DEPTOR: variants seen among roughly 807,000 people sequenced by gnomAD.
DEPTOR encodes the protein DEP domain containing MTOR interacting protein.
Under a neutral mutation model 41.6 loss-of-function variants are expected in DEPTOR, and 41 were observed. The ratio of observed to expected loss-of-function variants is 0.98; its 90% CI spans 0.77 to 1.28. The LOEUF is 1.28. DEPTOR is among the 50% of genes most tolerant of loss of function. The pLI, the probability that DEPTOR is intolerant of heterozygous loss-of-function variation, is 0.00. For synonymous variants in DEPTOR, 195 were observed against 192.3 expected (o/e 1.01, Z -0.12); for missense variants, 514 against 527.9 (o/e 0.97, Z 0.26).
At position 120,019,695 on chromosome 8, in the gene DEPTOR, G is replaced by A. The variant is rs368205815; in HGVS notation, c.1101+10562G>A. On this transcript the variant is annotated intron_variant, in intron 8 of 8. Transcript: ENST00000286234. The stretch of plus-strand genomic sequence containing the variant: ...GCCCCTCATGCCGGTCAGCCATGTC[G>A]TCCTTCCCTCCTTCGCCACAGTCTG... Among the ~76,000 whole-genome samples, 18 of 152,334 alleles carry A rather than the reference G, an allele frequency of 1.2e-4. No homozygotes were observed. In the South Asian group the frequency reaches 1.2e-3, roughly 11 times the overall value.
chr8:120,002,978 G>A lies in DEPTOR; in HGVS notation c.792G>A (p.Val264=). 6.4e-7 allele frequency: 1 copy of A among 1,561,966 alleles called. No individual in the cohort carries two copies. The change falls in exon 6 of 9, where the codon GTG becomes GTA. Residue 264 remains valine (V), a splice_region_variant and synonymous_variant. Transcript: ENST00000286234. ...DNRKSTSFMS[V]SPSKEIKIVS... The stretch of plus-strand genomic sequence containing the variant: ...GTGTGTGTTCTCTGGCCTACACAGT[G>A]AGCCCCAGCAAGGAGATCAAGATCG...
At chr8:119,987,822 G>A (rs999923195) in intron 4 of DEPTOR, among the ~76,000 whole-genome samples, 7 of 152,106 alleles carry the variant, frequency 4.6e-5, no homozygotes, top group Non-Finnish European at 5.9e-5. Flanking sequence ...CACTGTGAGG[G>A]GAAAACCACC....
chr8:119,875,960 C>T (rs2131329431), intron 1 of DEPTOR, among the ~76,000 whole-genome samples: 1 of 152,270 alleles, frequency 6.6e-6, no homozygotes. Flanking sequence ...AGGCTTCAGT[C>T]CCTTTAAAGC....
chr8:119,876,330 C>G (rs868405098), intron 1 of DEPTOR, among the ~76,000 whole-genome samples: 8 of 152,172 alleles, frequency 5.3e-5, no homozygotes, highest in South Asian at 2.1e-4. Flanking sequence ...TAGACTGAAT[C>G]TTGGCTTTGC....
chr8:119,909,340 A>G (rs888119929), intron 1 of DEPTOR, among the ~76,000 whole-genome samples: 1 of 152,226 alleles, frequency 6.6e-6, no homozygotes, highest in Admixed American at 6.5e-5. Context: ...TTAGTTACCT[A>G]GCTATCTTTA....
intron 1 of DEPTOR, among the ~76,000 whole-genome samples, chr8:119,884,227 T>C (rs1827335221): frequency 6.6e-6 from 1 of 152,070 alleles, no homozygotes; most frequent in Non-Finnish European, 1.5e-5. Flanking sequence ...CTCACTAATT[T>C]CTGTATTTTC....
intron 3 of DEPTOR, among the ~76,000 whole-genome samples, chr8:119,942,287 C>T (rs1828213737): frequency 1.3e-5 from 2 of 152,338 alleles, no homozygotes; most frequent in African/African-American, 4.8e-5. Flanking sequence ...ACTGCAATCT[C>T]CACCTCCTGG....
chr8:120,025,613 G>A (rs1399904725), intron 8 of DEPTOR, among the ~76,000 whole-genome samples: 2 of 152,130 alleles, frequency 1.3e-5, no homozygotes, highest in Admixed American at 1.3e-4. Flanking sequence ...CCCAGTTACT[G>A]GGGCCAGAAA....
intron 6 of DEPTOR, 70 bp downstream of exon 6, chr8:120,003,181 C>T: frequency 6.3e-7 from 1 of 1,577,358 alleles, no homozygotes; most frequent in East Asian, 2.3e-5. Context: ...GAAGCAGAAT[C>T]TGAGATAGCG....
intron 4 of DEPTOR, among the ~76,000 whole-genome samples, chr8:119,983,215 AC>A (rs1277281513): frequency 6.6e-6 from 1 of 151,938 alleles, no homozygotes; most frequent in African/African-American, 2.4e-5. Context: ...AGCTATCTGT[AC>A]TATCTTTGCA....
chr8:119,895,514 T>C (rs1396070421), intron 1 of DEPTOR, among the ~76,000 whole-genome samples: 1 of 152,194 alleles, frequency 6.6e-6, no homozygotes, highest in Non-Finnish European at 1.5e-5. Context: ...CCTCAGGGGG[T>C]ACCCTATCCC....
At chr8:120,032,512 C>CA (rs1427552734) in intron 8 of DEPTOR, among the ~76,000 whole-genome samples, 1 of 152,066 alleles carries the variant, frequency 6.6e-6, no homozygotes, top group African/African-American at 2.4e-5. Context: ...TGAGTTACCA[C>CA]ACCCAGCCAA....
intron 1 of DEPTOR, among the ~76,000 whole-genome samples, chr8:119,917,261 C>T (rs1827825864): frequency 6.6e-6 from 1 of 152,194 alleles, no homozygotes; most frequent in Admixed American, 6.5e-5. Context: ...TCTCACTCTG[C>T]TAATACTCCA....
chr8:119,986,579 G>T (rs1828833326), intron 4 of DEPTOR, among the ~76,000 whole-genome samples: 1 of 152,030 alleles, frequency 6.6e-6, no homozygotes, highest in African/African-American at 2.4e-5. Flanking sequence ...GGCCTGTCTT[G>T]GTAGGTTGGG....
intron 1 of DEPTOR, among the ~76,000 whole-genome samples, chr8:119,892,932 G>A (rs1161857969): frequency 1.3e-5 from 2 of 152,046 alleles, no homozygotes; most frequent in African/African-American, 2.4e-5. Context: ...ACAGACACAC[G>A]CCACCATGCC....
chr8:120,019,418 C>T (rs759844918), intron 8 of DEPTOR, among the ~76,000 whole-genome samples: 9 of 152,238 alleles, frequency 5.9e-5, no homozygotes, highest in Non-Finnish European at 1.2e-4. Flanking sequence ...ACATCTCTCC[C>T]TCCAGAGACC....
intron 3 of DEPTOR, among the ~76,000 whole-genome samples, chr8:119,941,396 A>AT (rs1231554971): frequency 4.6e-5 from 7 of 151,602 alleles, no homozygotes; most frequent in Admixed American, 6.6e-5. Flanking sequence ...AAAAAAAAAA[A>AT]AGGTTAGAAT....
chr8:120,036,858 A>G (rs986459322), intron 8 of DEPTOR, among the ~76,000 whole-genome samples: 1 of 152,220 alleles, frequency 6.6e-6, no homozygotes, highest in Non-Finnish European at 1.5e-5. Context: ...AAATTCCTTA[A>G]CGGAATTTGA....
intron 1 of DEPTOR, among the ~76,000 whole-genome samples, chr8:119,903,936 G>A (rs966839236): frequency 6.6e-6 from 1 of 152,092 alleles, no homozygotes; most frequent in Admixed American, 6.6e-5. Context: ...AAAATGTGTA[G>A]CATTCCCACC....
Sources: gnomAD v4.1 joint callset for allele counts (sites outside exome capture counted in the v4.1 genomes callset) on GRCh38, gnomAD v4.1.1 for gene constraint, MANE v1.5 for transcripts, NCBI Gene and HGNC (gene_info 2026-07-23, HGNC 2026-07-21) for gene names.